DYNC2H1: variants seen among roughly 807,000 people sequenced by gnomAD.
The protein encoded by DYNC2H1 is dynein cytoplasmic 2 heavy chain 1.
DYNC2H1 carries 410 observed loss-of-function variants against 570.0 expected under a neutral mutation model. The observed-to-expected ratio is 0.72, with a 90% CI of 0.66 to 0.78. The LOEUF (loss-of-function observed/expected upper bound fraction) is 0.78. Among genes scored for constraint, DYNC2H1 ranks in the 30% least tolerant of loss-of-function variants. The probability of loss-of-function intolerance (pLI) is 0.00; values close to 1 mark genes in which losing one functional copy is unlikely to be tolerated. For missense variants in DYNC2H1, 4,865 were observed against 5,046.4 expected, an observed-to-expected ratio of 0.96 and a Z score of 1.09; for synonymous variants, 1,688 against 1,677.6, an observed-to-expected ratio of 1.01 and a Z score of -0.15.
In DYNC2H1 at chr11:103,241,789, C is replaced by T. The variant is rs941441555; in HGVS notation, c.9820-1904C>T. On this transcript the variant is annotated intron_variant, in intron 63 of 88. Coordinates refer to ENST00000375735, the MANE Select transcript of DYNC2H1 (RefSeq NM_001377.3). This position sits in a 1 kb window ranked among gnomAD's most constrained non-coding sequence, Gnocchi z 5.1. ...GCTGGGTGATGCTCATACAGTGTAA[C>T]GTGGCAGGAGGTATGATGGGAGTAG... is the stretch of plus-strand genomic sequence containing the variant. 4.6e-5 allele frequency among the ~76,000 whole-genome samples: 7 copies of T among 151,992 alleles called. No individual in the cohort carries two copies. The highest frequency in any genetic ancestry group is 1.2e-4 in the African/African-American group (5 of 41,386).
chr11:103,377,306 T>C (rs950171941), intron 83 of DYNC2H1, among the ~76,000 whole-genome samples: 2 of 152,138 alleles, frequency 1.3e-5, no homozygotes, highest in Non-Finnish European at 2.9e-5. Flanking sequence ...ATTCTTTTGC[T>C]CCTCTTATTT....
intron 52 of DYNC2H1, among the ~76,000 whole-genome samples, chr11:103,207,049 G>A (rs1039484545): frequency 2.6e-5 from 4 of 151,956 alleles, no homozygotes; most frequent in Non-Finnish European, 5.9e-5. Flanking sequence ...AGCCTCTCGA[G>A]TAGCTGAGAT....
At position 103,165,883 on chromosome 11, in the gene DYNC2H1, C is replaced by A. The variant is rs1861284842; in HGVS notation, c.4612-15C>A. 5 of 1,429,472 alleles carry A rather than the reference C, an allele frequency of 3.5e-6. No homozygotes were observed. The highest frequency in any genetic ancestry group is 5.5e-5 in the East Asian group (2 of 36,076). 88.5% of individuals were successfully genotyped at this position (1,429,472 alleles called of 1,614,324 possible). On this transcript the variant is annotated splice_polypyrimidine_tract_variant and intron_variant, in intron 30 of 88. Transcript: ENST00000375735. The stretch of plus-strand genomic sequence containing the variant: ...AATTCACCTTTTAAAAATAATTTTT[C>A]TCTTTATTCAATAGATTTTATGCTT...
chr11:103,417,119 C>A (rs1312245637), intron 84 of DYNC2H1, among the ~76,000 whole-genome samples: 1 of 152,034 alleles, frequency 6.6e-6, no homozygotes, highest in African/African-American at 2.4e-5. Flanking sequence ...CTTTCTTTGT[C>A]GCCAGGCTGG....
chr11:103,234,098 A>G lies in DYNC2H1; in HGVS notation c.9505A>G (p.Ile3169Val), dbSNP rs200170585. 1.5e-4 allele frequency: 237 copies of G among 1,571,902 alleles called. No homozygotes were observed. The African/African-American group carries it at 2.9e-3, about 20-fold the overall frequency. ...EAEVSKAQET[I>V]KAAEVLINQL... ...TGAAGTAAGCAAGGCACAAGAAACA[A>G]TCAAAGCTGCAGAAGTCTTAATTAA... The change falls in exon 61 of 89, where the codon ATC (isoleucine) becomes GTC (valine). Residue 3169 changes from isoleucine (I) to valine (V), a missense_variant. By Grantham distance (29) the Ile-to-Val change is conservative. Around this residue, in one of 5 missense-constraint regions of DYNC2H1, gnomAD observed 2,401 missense variants for 2,454.6 expected, o/e 0.98. Transcript: ENST00000375735.
At chr11:103,117,205 GTATA>G (rs892691180) in intron 5 of DYNC2H1, among the ~76,000 whole-genome samples, 2 of 140,700 alleles carry the variant, frequency 1.4e-5, no homozygotes, top group Admixed American at 7.2e-5. Context: ...TGAGGAAATT[GTATA>G]TATATATATA....
At chr11:103,219,010 A>G (rs905085366) in intron 55 of DYNC2H1, among the ~76,000 whole-genome samples, 6 of 152,190 alleles carry the variant, frequency 3.9e-5, no homozygotes, top group African/African-American at 1.4e-4. Flanking sequence ...TTCCAATTGG[A>G]ACAGGAGGTT....
intron 38 of DYNC2H1, 127 bp from the exon 39 acceptor site, chr11:103,178,899 C>A: frequency 2.3e-6 from 2 of 885,750 alleles, no homozygotes; most frequent in Non-Finnish European, 3.3e-6. Context: ...CAGGATTGCG[C>A]ATGGGTTCTT....
Position 103,129,663 on chromosome 11 carries a change from G to C in DYNC2H1, c.1953+658G>C, listed in dbSNP as rs1452021106. ...CGTGCCACTGCACTCTAGCCTGGGA[G>C]ACAGAGCGACTCCATCTCAAAAAAA... On this transcript the variant is annotated intron_variant, in intron 13 of 88. Coordinates refer to ENST00000375735, the MANE Select transcript of DYNC2H1 (RefSeq NM_001377.3). This position sits in a 1 kb window ranked among gnomAD's most constrained non-coding sequence, Gnocchi z 4.1. 6.6e-6 allele frequency among the ~76,000 whole-genome samples: 1 copy of C among 151,662 alleles called. No individual in the cohort carries two copies. Among genetic ancestry groups the C allele is most frequent in the Non-Finnish European group, 1.5e-5 (1 of 67,970 alleles).
At chr11:103,419,587 A>G (rs1943409390) in intron 84 of DYNC2H1, among the ~76,000 whole-genome samples, 1 of 152,020 alleles carries the variant, frequency 6.6e-6, no homozygotes. Context: ...AAAACCACAC[A>G]GAAAACAATA....
Position 103,286,352 on chromosome 11 carries a change from C to G in DYNC2H1, c.10988C>G (p.Ser3663Cys). Residue 3663 changes from serine to cysteine, a missense_variant, in exon 74 of 89, where the codon TCT becomes TGT. Transcript: ENST00000375735. ...NNSMCEQEFPSILAKKVSLFQ... is the reference protein window; with the variant it reads ...NNSMCEQEFPCILAKKVSLFQ... ...TCAATGTGTGAGCAAGAGTTTCCATCTATCCTTGCAAAGAAAGTTTCCTTA... is the reference window on the plus strand; with the variant it reads ...TCAATGTGTGAGCAAGAGTTTCCATGTATCCTTGCAAAGAAAGTTTCCTTA... The G allele has an allele frequency of 1.9e-6, 3 of 1,613,096 alleles. No homozygotes were observed. The highest frequency in any genetic ancestry group is 2.5e-6 in the Non-Finnish European group (3 of 1,179,634).
At chr11:103,196,411 G>A (rs1862508093) in intron 47 of DYNC2H1, among the ~76,000 whole-genome samples, 1 of 152,090 alleles carries the variant, frequency 6.6e-6, no homozygotes, top group Non-Finnish European at 1.5e-5. Flanking sequence ...CTTATCTCAG[G>A]CAGAAAGTAC....
chr11:103,447,362 A>G (rs1308891743), intron 85 of DYNC2H1, among the ~76,000 whole-genome samples: 2 of 139,872 alleles, frequency 1.4e-5, no homozygotes, highest in African/African-American at 5.7e-5. Context: ...TATTAACTTA[A>G]TAAAGTTAAA....
chr11:103,236,664 G>C, intron 63 of DYNC2H1, 125 bp downstream of exon 63: 1 of 507,730 alleles, frequency 2.0e-6, no homozygotes, highest in East Asian at 3.3e-5. Context: ...AAAATATTTT[G>C]CTAATGAAAA....
chr11:103,359,557 G>A (rs770332961), intron 83 of DYNC2H1, among the ~76,000 whole-genome samples: 5 of 151,784 alleles, frequency 3.3e-5, no homozygotes, highest in Non-Finnish European at 5.9e-5. Context: ...CTATACGAAT[G>A]ACTTCAAAGG....
chr11:103,255,989 C>G, intron 67 of DYNC2H1, 117 bp from the exon 68 acceptor site: 4 of 889,850 alleles, frequency 4.5e-6, no homozygotes, highest in Middle Eastern at 3.5e-4. Flanking sequence ...TGTTGAAATT[C>G]TTCTAAAATA....
chr11:103,336,143 C>A (rs974626178), intron 82 of DYNC2H1, among the ~76,000 whole-genome samples: 1 of 152,032 alleles, frequency 6.6e-6, no homozygotes, highest in Non-Finnish European at 1.5e-5. Flanking sequence ...GTATTCTTCT[C>A]TTGTTTTGTA....
At chr11:103,123,387 CAG>C (rs1462767643) in intron 11 of DYNC2H1, among the ~76,000 whole-genome samples, 2 of 152,080 alleles carry the variant, frequency 1.3e-5, no homozygotes, top group East Asian at 1.9e-4. Context: ...CTCCTTGAGA[CAG>C]AGTATTTCTT....
At chr11:103,398,073 T>C (rs992937033) in intron 83 of DYNC2H1, among the ~76,000 whole-genome samples, 6 of 152,198 alleles carry the variant, frequency 3.9e-5, no homozygotes, top group African/African-American at 1.4e-4. Flanking sequence ...TGAAACAAAC[T>C]AAATTAGTAC....
Sources: gnomAD v4.1 joint callset for allele counts (sites outside exome capture counted in the v4.1 genomes callset) on GRCh38, gnomAD v4.1.1 for gene constraint, gnomAD v4.1.1 regional missense constraint, Gnocchi (gnomAD v3.1) non-coding constraint, MANE v1.5 for transcripts, NCBI Gene and HGNC (gene_info 2026-07-23, HGNC 2026-07-21) for gene names.